The following RBFOX2 variants were observed in gnomAD, a reference collection of about 807,000 sequenced individuals.
RBFOX2 encodes the protein RNA binding protein fox-1 homolog 2.
RBFOX2 carries 10 observed loss-of-function variants against 49.1 expected under a neutral mutation model. That is an observed-to-expected ratio of 0.20 (90% CI 0.13 to 0.35). The LOEUF is 0.35. Ranked by LOEUF, RBFOX2 falls within the 10% of genes least tolerant of loss-of-function variation. RBFOX2 has a pLI of 1.00. For synonymous variants in RBFOX2, 183 were observed against 187.4 expected, an observed-to-expected ratio of 0.98 and a Z score of 0.19; for missense variants, 323 against 486.9, an observed-to-expected ratio of 0.66 and a Z score of 3.17.
intron 1 of RBFOX2, chr22:35,961,454 A>ACGAC: frequency 8.4e-7 from 1 of 1,191,344 alleles, no homozygotes; most frequent in Non-Finnish European, 1.1e-6. Flanking sequence ...ACAATTCCAC[A>ACGAC]CGACCGACCT....
chr22:35,762,502 T>C (rs924214165), intron 6 of RBFOX2, among the ~76,000 whole-genome samples: 1 of 146,196 alleles, frequency 6.8e-6, no homozygotes, highest in Non-Finnish European at 1.5e-5. Flanking sequence ...ATTGGCCTCC[T>C]CTTTTTTTTT....
chr22:35,994,365 T>G (rs977542143), intron 1 of RBFOX2: 1 of 151,792 alleles, frequency 6.6e-6, no homozygotes, highest in Non-Finnish European at 1.5e-5. Context: ...TTACATTGAG[T>G]GCATCCTTTT....
At chr22:35,891,445 G>A (rs2047233185) in intron 1 of RBFOX2, among the ~76,000 whole-genome samples, 1 of 151,910 alleles carries the variant, frequency 6.6e-6, no homozygotes, top group African/African-American at 2.4e-5. Flanking sequence ...GGCACACTAT[G>A]TCTTTAATCT....
chr22:35,972,988 G>C (rs969368315), intron 1 of RBFOX2, among the ~76,000 whole-genome samples: 2 of 152,144 alleles, frequency 1.3e-5, no homozygotes, highest in African/African-American at 4.8e-5. Flanking sequence ...CAGTTTTAAA[G>C]CATCTTATTT....
intron 1 of RBFOX2, among the ~76,000 whole-genome samples, chr22:35,936,951 TA>T (rs938034633): frequency 2.0e-5 from 3 of 152,184 alleles, no homozygotes; most frequent in Non-Finnish European, 4.4e-5. Flanking sequence ...CAACATTTTA[TA>T]AATAATAAAG....
intron 1 of RBFOX2, chr22:35,995,931 T>C (rs999541786): frequency 2.6e-5 from 4 of 152,140 alleles, no homozygotes; most frequent in African/African-American, 7.2e-5. Context: ...CAGACGATTA[T>C]GGAAAAAAGC....
intron 1 of RBFOX2, among the ~76,000 whole-genome samples, chr22:35,949,459 T>TA (rs1378456642): frequency 1.3e-5 from 2 of 152,212 alleles, no homozygotes; most frequent in African/African-American, 4.8e-5. Flanking sequence ...TGACAATATT[T>TA]AACTTTTTAA....
At chr22:35,856,886 G>C (rs1003869270) in intron 1 of RBFOX2, among the ~76,000 whole-genome samples, 1 of 152,038 alleles carries the variant, frequency 6.6e-6, no homozygotes, top group Non-Finnish European at 1.5e-5. Flanking sequence ...CAAAAAATTA[G>C]CCAGGCGTGG....
At chr22:35,940,432 G>A (rs572188127), upstream of RBFOX2, among the ~76,000 whole-genome samples, 37 of 152,216 alleles carry the variant, frequency 2.4e-4, no homozygotes, top group Non-Finnish European at 4.6e-4. Flanking sequence ...TAAACAAAAT[G>A]CCAGACAACA....
At chr22:35,904,475 T>C (rs1049127349) in intron 1 of RBFOX2, among the ~76,000 whole-genome samples, 3 of 152,168 alleles carry the variant, frequency 2.0e-5, no homozygotes, top group African/African-American at 7.2e-5. Flanking sequence ...TCTAACCAAG[T>C]CCTATAAATA....
upstream of RBFOX2, among the ~76,000 whole-genome samples, chr22:35,841,050 A>AT (rs1225544185): frequency 2.6e-5 from 4 of 152,090 alleles, no homozygotes; most frequent in African/African-American, 9.7e-5. Context: ...AATTTAAATG[A>AT]TTTTTTTCCT....
chr22:35,872,612 C>T (rs564331781), intron 1 of RBFOX2, among the ~76,000 whole-genome samples: 12 of 152,328 alleles, frequency 7.9e-5, no homozygotes, highest in Middle Eastern at 3.4e-3. Flanking sequence ...TCTCCTCCGA[C>T]TGCCCCAGCC....
chr22:35,891,561 C>A (rs1315368630), intron 1 of RBFOX2, among the ~76,000 whole-genome samples: 1 of 152,156 alleles, frequency 6.6e-6, no homozygotes, highest in Non-Finnish European at 1.5e-5. Context: ...TATGAAAAAA[C>A]AACAGTTCAA....
exon 1 of RBFOX2, chr22:36,028,243 C>T (rs1472250972): frequency 2.6e-6 from 4 of 1,522,842 alleles, no homozygotes; most frequent in Admixed American, 1.9e-5. Context: ...CGGTCACCTG[C>T]ATCCCGCCGC....
chr22:35,964,395 T>C (rs2149974186), upstream of RBFOX2, among the ~76,000 whole-genome samples: 1 of 152,348 alleles, frequency 6.6e-6, no homozygotes. Flanking sequence ...CTAATCCTAT[T>C]ATTCTAAACT....
At chr22:35,981,335 T>C (rs1232269137) in intron 1 of RBFOX2, among the ~76,000 whole-genome samples, 1 of 152,136 alleles carries the variant, frequency 6.6e-6, no homozygotes, top group Non-Finnish European at 1.5e-5. Flanking sequence ...CCTTGGTATT[T>C]AATGCTTTCA....
At chr22:36,005,820 T>C (rs1476210114) in intron 1 of RBFOX2, among the ~76,000 whole-genome samples, 1 of 152,232 alleles carries the variant, frequency 6.6e-6, no homozygotes, top group Non-Finnish European at 1.5e-5. Flanking sequence ...TGTTCTAAAC[T>C]TTTTTCTTGA....
chr22:35,864,487 C>A (rs1198103300), intron 1 of RBFOX2, among the ~76,000 whole-genome samples: 3 of 152,208 alleles, frequency 2.0e-5, no homozygotes. Context: ...CAAAGGTGAA[C>A]ATTTGGTACA....
rs777449733 is a variant in RBFOX2, at chr22:35,840,187, CTTACCTGAG to C, written c.23_27+4del. On this transcript the variant is annotated splice_donor_variant and splice_donor_region_variant and coding_sequence_variant and intron_variant, in exon 1 of 12. Transcript: ENST00000405409. LOFTEE classifies it high-confidence loss of function. ...AGAAACATGCCGAGGAAGCACAAAT[CTTACCTGAG>C]TTACCATTTTCTTTTTCTCCATAAA... The C allele has an allele frequency of 6.2e-7, 1 of 1,613,904 alleles. No homozygotes were observed. Among genetic ancestry groups the C allele is most frequent in the African/African-American group, 1.3e-5 (1 of 74,898 alleles).
Sources: allele counts gnomAD v4.1 joint callset (sites outside exome capture counted in the v4.1 genomes callset), GRCh38; gene constraint gnomAD v4.1.1; transcripts MANE v1.5; gene names NCBI Gene and HGNC (gene_info 2026-07-23, HGNC 2026-07-21).